Variants in SV2B observed in about 807,000 individuals in gnomAD.
SV2B encodes the protein solute carrier family 22 member B2.
A neutral mutation model predicts 73.9 loss-of-function variants in SV2B; 41 were observed. The observed-to-expected ratio is 0.56, with a 90% CI of 0.43 to 0.72. The LOEUF (loss-of-function observed/expected upper bound fraction) is 0.72. SV2B is among the 30% of genes least tolerant of loss of function. The pLI is 0.00. For missense variants in SV2B, 764 were observed against 857.8 expected, an observed-to-expected ratio of 0.89 and a Z score of 1.37; for synonymous variants, 314 against 314.2, an observed-to-expected ratio of 1.00 and a Z score of 0.01.
At chr15:91,146,948 A>T (rs2043163827) in intron 1 of SV2B, among the ~76,000 whole-genome samples, 1 of 152,214 alleles carries the variant, frequency 6.6e-6, no homozygotes, top group Non-Finnish European at 1.5e-5. Context: ...CCTTTGATCA[A>T]GAGTGACTCA....
chr15:91,176,701 G>A (rs1341678660), intron 1 of SV2B, among the ~76,000 whole-genome samples: 1 of 151,712 alleles, frequency 6.6e-6, no homozygotes, highest in African/African-American at 2.4e-5. Context: ...TTTGAGAAGT[G>A]TCTGTTCATA....
chr15:91,143,050 T>C (rs1243128104), intron 1 of SV2B, among the ~76,000 whole-genome samples: 1 of 152,184 alleles, frequency 6.6e-6, no homozygotes, highest in Non-Finnish European at 1.5e-5. Flanking sequence ...GCACAGCCAG[T>C]GGCTGGGAGT....
At chr15:91,104,541 A>C (rs1253899734) in intron 1 of SV2B, among the ~76,000 whole-genome samples, 4 of 152,264 alleles carry the variant, frequency 2.6e-5, no homozygotes, top group Admixed American at 1.3e-4. Flanking sequence ...GGAGCTACAT[A>C]GTCACATTGC....
At chr15:91,291,968 G>A (rs150360443) in intron 12 of SV2B, among the ~76,000 whole-genome samples, 26 of 152,286 alleles carry the variant, frequency 1.7e-4, no homozygotes, top group African/African-American at 6.3e-4. Flanking sequence ...GGCAGTCTCT[G>A]CTTCAGGAGG....
intron 1 of SV2B, among the ~76,000 whole-genome samples, chr15:91,161,236 A>G (rs965394579): frequency 1.3e-5 from 2 of 152,146 alleles, no homozygotes; most frequent in Non-Finnish European, 2.9e-5. Flanking sequence ...TGATTGTATA[A>G]CTGTATAAAT....
chr15:91,194,786 C>A (rs2045183820), intron 1 of SV2B, among the ~76,000 whole-genome samples: 1 of 152,164 alleles, frequency 6.6e-6, no homozygotes, highest in South Asian at 2.1e-4. Flanking sequence ...TACTTGATGT[C>A]CCCCTCTGTG....
intron 1 of SV2B, among the ~76,000 whole-genome samples, chr15:91,156,502 A>C (rs534661565): frequency 6.6e-6 from 1 of 152,346 alleles, no homozygotes; most frequent in African/African-American, 2.4e-5. Context: ...GCAGGTAGGA[A>C]TCAGGAGCTG....
chr15:91,243,686 T>C (rs1324874911), intron 2 of SV2B, among the ~76,000 whole-genome samples: 1 of 152,160 alleles, frequency 6.6e-6, no homozygotes, highest in Non-Finnish European at 1.5e-5. Flanking sequence ...CCTGCGATGA[T>C]AAAGTCTCTA....
intron 2 of SV2B, among the ~76,000 whole-genome samples, chr15:91,238,044 C>G (rs1030515209): frequency 6.6e-6 from 1 of 152,164 alleles, no homozygotes; most frequent in Admixed American, 6.5e-5. Flanking sequence ...TGTTGCCACT[C>G]ATTGTTACTG....
In SV2B at chr15:91,288,359, G is replaced by A. The variant is rs186311475; in HGVS notation, c.1709-1162G>A. Among the ~76,000 whole-genome samples, 1 of 152,298 alleles carries A rather than the reference G, an allele frequency of 6.6e-6. No individual in the cohort carries two copies. The highest frequency in any genetic ancestry group is 1.9e-4 in the East Asian group (1 of 5,190). On this transcript the variant is annotated intron_variant, in intron 11 of 12. Transcript: ENST00000394232. The surrounding 1 kb of genome is among the most constrained non-coding windows in gnomAD (Gnocchi z 5.8). ...ATACGATGTGGAATGATTAAGTCAA[G>A]CTAATTAACATATCCATCACCACAC...
At chr15:91,215,899 T>G (rs1178267206) in intron 1 of SV2B, among the ~76,000 whole-genome samples, 1 of 152,220 alleles carries the variant, frequency 6.6e-6, no homozygotes, top group Non-Finnish European at 1.5e-5. Context: ...AAATTCAGAC[T>G]AAGTCTGATG....
At chr15:91,211,439 C>T (rs1317833682) in intron 1 of SV2B, among the ~76,000 whole-genome samples, 1 of 151,914 alleles carries the variant, frequency 6.6e-6, no homozygotes, top group Non-Finnish European at 1.5e-5. Context: ...TCTTCTTCTC[C>T]TTCTTCTTCC....
intron 1 of SV2B, among the ~76,000 whole-genome samples, chr15:91,188,459 G>A (rs372849210): frequency 4.6e-5 from 7 of 152,022 alleles, no homozygotes; most frequent in East Asian, 3.9e-4. Flanking sequence ...GACTACAGGC[G>A]CCTGCCACCA....
At chr15:91,201,813 G>A (rs2045468947) in intron 1 of SV2B, among the ~76,000 whole-genome samples, 1 of 152,082 alleles carries the variant, frequency 6.6e-6, no homozygotes, top group Non-Finnish European at 1.5e-5. Flanking sequence ...TAACCATCTT[G>A]GTCTAAGCCA....
intron 2 of SV2B, among the ~76,000 whole-genome samples, chr15:91,250,709 T>C (rs1267739015): frequency 6.6e-6 from 1 of 152,098 alleles, no homozygotes; most frequent in Non-Finnish European, 1.5e-5. Flanking sequence ...ACAATCTCAT[T>C]TACAATAACA....
At chr15:91,187,901 T>G (rs1362755628) in intron 1 of SV2B, among the ~76,000 whole-genome samples, 2 of 152,180 alleles carry the variant, frequency 1.3e-5, no homozygotes, top group Non-Finnish European at 2.9e-5. Flanking sequence ...AGGCTAGCTT[T>G]GATTCGTTTT....
chr15:91,120,087 C>T (rs1023491732), intron 1 of SV2B, among the ~76,000 whole-genome samples: 3 of 152,170 alleles, frequency 2.0e-5, no homozygotes, highest in Non-Finnish European at 2.9e-5. Flanking sequence ...CCAGCCTGGG[C>T]GCCAGAGCAA....
At position 91,281,595 on chromosome 15, in the gene SV2B, T is replaced by A; in HGVS notation, c.1374-133T>A. 1 of 1,030,944 alleles carries A rather than the reference T, an allele frequency of 9.7e-7. No individual in the cohort carries two copies. The highest frequency in any genetic ancestry group is 1.9e-5 in the South Asian group (1 of 53,902). 63.9% of individuals were successfully genotyped at this position (1,030,944 alleles called of 1,614,324 possible). The stretch of plus-strand genomic sequence containing the variant: ...AAACAGCTAAGAAGTGGGGAAGTGG[T>A]CTGGGTTGAAAATAATGCTCTGGCA... On this transcript the variant is annotated intron_variant, in intron 9 of 12. Coordinates refer to ENST00000394232, the MANE Select transcript of SV2B (RefSeq NM_001323032.3). The surrounding 1 kb of genome is among the most constrained non-coding windows in gnomAD (Gnocchi z 4.7).
Position 91,140,509 on chromosome 15 carries a change from A to G in SV2B, c.-392+40146A>G, listed in dbSNP as rs983879097. Among the ~76,000 whole-genome samples, 33 of 152,188 alleles carry G rather than the reference A, an allele frequency of 2.2e-4. No individual in the cohort carries two copies. Among genetic ancestry groups the G allele is most frequent in the African/African-American group, 7.5e-4 (31 of 41,458 alleles). On this transcript the variant is annotated intron_variant, in intron 1 of 12. Transcript: ENST00000394232. This position sits in a 1 kb window ranked among gnomAD's most constrained non-coding sequence, Gnocchi z 4.4. ...GAGTTCCTCCAAATGAACTTCCCACACACTTCTGGCTGAAACTGGCCCCTA... is the reference window on the plus strand; with the variant it reads ...GAGTTCCTCCAAATGAACTTCCCACGCACTTCTGGCTGAAACTGGCCCCTA...
Sources: gnomAD v4.1 joint callset for allele counts (sites outside exome capture counted in the v4.1 genomes callset) on GRCh38, gnomAD v4.1.1 for gene constraint, Gnocchi (gnomAD v3.1) non-coding constraint, MANE v1.5 for transcripts, NCBI Gene and HGNC (gene_info 2026-07-23, HGNC 2026-07-21) for gene names.